The following GPD2 variants were observed in gnomAD, a reference collection of about 807,000 sequenced individuals.
GPD2 encodes the protein glycerol-3-phosphate dehydrogenase, mitochondrial.
In GPD2, 54 loss-of-function variants were observed where a neutral mutation model predicts 82.4. That is an observed-to-expected ratio of 0.66 (90% CI 0.53 to 0.82). The LOEUF is 0.82. GPD2 is among the 40% of genes least tolerant of loss of function. GPD2 has a pLI of 0.00. For missense variants in GPD2, 748 were observed against 896.2 expected (o/e 0.83, Z 2.11); for synonymous variants, 288 against 306.1 (o/e 0.94, Z 0.62).
At position 156,496,029 on chromosome 2, in the gene GPD2, C is replaced by CAGG; in HGVS notation, c.103-15_103-14insAGG. 6.2e-7 allele frequency: 1 copy of CAGG among 1,603,868 alleles called. No individual in the cohort carries two copies. Among genetic ancestry groups the CAGG allele is most frequent in the Non-Finnish European group, 8.5e-7 (1 of 1,171,738 alleles). ...TTCCAAATGGACAACTGAAAGTGAT[C>CAGG]TGCTTTTACATCAGATGAACCTGGC... is the stretch of plus-strand genomic sequence containing the variant. On this transcript the variant is annotated splice_polypyrimidine_tract_variant and intron_variant, in intron 2 of 16. Coordinates refer to ENST00000438166, the MANE Select transcript of GPD2 (RefSeq NM_000408.5).
chr2:156,480,223 G>A (rs1558919286), intron 2 of GPD2, among the ~76,000 whole-genome samples: 1 of 152,124 alleles, frequency 6.6e-6, no homozygotes, highest in Non-Finnish European at 1.5e-5. Context: ...GGGGTCATGG[G>A]ATACTTTTAG....
intron 1 of GPD2, among the ~76,000 whole-genome samples, chr2:156,456,623 TCC>T (rs1159710134): frequency 1.3e-5 from 2 of 151,844 alleles, no homozygotes; most frequent in Non-Finnish European, 2.9e-5. Context: ...GTCTTCTTGA[TCC>T]TACATGAACT....
At chr2:156,460,097 T>C (rs1465603843) in intron 1 of GPD2, among the ~76,000 whole-genome samples, 1 of 152,204 alleles carries the variant, frequency 6.6e-6, no homozygotes, top group Non-Finnish European at 1.5e-5. Context: ...TAAGTTTAAG[T>C]TTTACTTAAT....
chr2:156,567,330 G>C (rs1286669392), intron 9 of GPD2, among the ~76,000 whole-genome samples: 1 of 151,838 alleles, frequency 6.6e-6, no homozygotes, highest in African/African-American at 2.4e-5. Flanking sequence ...TATAGTTTTA[G>C]CTCTTATGTT....
upstream of GPD2, among the ~76,000 whole-genome samples, chr2:156,433,487 G>C (rs528797103): frequency 2.0e-5 from 3 of 152,208 alleles, no homozygotes; most frequent in Admixed American, 2.0e-4. Context: ...TTTCATCCCT[G>C]AGCAATCAGC....
chr2:156,493,498 G>A (rs765631024), intron 2 of GPD2, among the ~76,000 whole-genome samples: 4 of 152,040 alleles, frequency 2.6e-5, no homozygotes, highest in Non-Finnish European at 5.9e-5. Context: ...AAGGGAGGGA[G>A]TGAATATAGG....
rs397789170 is a variant in GPD2 at position 156,444,720 on chromosome 2, T to TACACACACACACAC, written c.-9+8214_-9+8227dup. 1.9e-3 allele frequency among the ~76,000 whole-genome samples: 285 copies of TACACACACACACAC among 150,192 alleles called. 3 individuals carry two copies. In the East Asian group the frequency reaches 0.022, roughly 11 times the overall value. ...GGAACAAGACTGTCTCAAAAACAAATACACACACACACACACACACTAACA... is the reference window on the plus strand; with the variant it reads ...GGAACAAGACTGTCTCAAAAACAAATACACACACACACACACACACACACACACACACACTAACA... On this transcript the variant is annotated intron_variant, in intron 1 of 16. Coordinates refer to ENST00000438166, the MANE Select transcript of GPD2 (RefSeq NM_000408.5).
At chr2:156,439,849 AAAATAAATAAAT>A (rs59142687) in intron 1 of GPD2, among the ~76,000 whole-genome samples, 1 of 147,544 alleles carries the variant, frequency 6.8e-6, no homozygotes, top group South Asian at 2.2e-4. Context: ...TCTGTCTCAA[AAAATAAATAAAT>A]AAATAAATAA....
In GPD2 at chr2:156,568,970, C is replaced by G. The variant is rs1687496407; in HGVS notation, c.1300+11C>G. On this transcript the variant is annotated intron_variant, in intron 10 of 16. Transcript: ENST00000438166. Reference sequence around the variant, plus strand: ...TTATTACTATAGCAGGTATGAGATACTACCTTGTTATTTTCTTTTCTTTTT... The same window carrying G: ...TTATTACTATAGCAGGTATGAGATAGTACCTTGTTATTTTCTTTTCTTTTT... 6.4e-7 allele frequency: 1 copy of G among 1,557,264 alleles called. No individual in the cohort carries two copies.
At chr2:156,437,354 G>A (rs1681976165) in intron 1 of GPD2, among the ~76,000 whole-genome samples, 1 of 152,174 alleles carries the variant, frequency 6.6e-6, no homozygotes, top group Non-Finnish European at 1.5e-5. Context: ...GTTTCTTTTT[G>A]GCGTGTGGAC....
rs531111114 is a variant in GPD2, at chr2:156,511,004, G to A, written c.399+84G>A. ...TAAATCAGGTTTTTTTTTCTTTAAT[G>A]GCTTAAAAGCATTTCTTCCTGTTGG... On this transcript the variant is annotated intron_variant, in intron 4 of 16. Coordinates refer to ENST00000438166, the MANE Select transcript of GPD2 (RefSeq NM_000408.5). 95 of 1,149,780 alleles carry A rather than the reference G, an allele frequency of 8.3e-5. No homozygotes were observed. The South Asian group carries it at 1.2e-3, about 14-fold the overall frequency. 71.2% of individuals were successfully genotyped at this position (1,149,780 alleles called of 1,614,324 possible).
At chr2:156,401,937 A>G in the GPD2 span, among the ~76,000 whole-genome samples, 694 of 152,354 alleles carry the variant, frequency 4.6e-3, 6 homozygotes, top group South Asian at 0.031. Flanking sequence ...GATATAGGCA[A>G]CATTGGCTTT....
At chr2:156,455,073 G>A (rs1447717149) in intron 1 of GPD2, among the ~76,000 whole-genome samples, 1 of 151,994 alleles carries the variant, frequency 6.6e-6, no homozygotes, top group East Asian at 1.9e-4. Context: ...CTGCTCCCAG[G>A]GAGCAGTCAT....
rs1057400771 is a variant in GPD2, at chr2:156,546,234, A to T, written c.662-3374A>T. On this transcript the variant is annotated intron_variant, in intron 6 of 16. Transcript: ENST00000438166. ...AGCTATTCGGTGATTAGTGAAAAAC[A>T]GTATAATGTTGCCTGGCTCTAAGGA... Among the ~76,000 whole-genome samples, 6 of 152,244 alleles carry T rather than the reference A, an allele frequency of 3.9e-5. No homozygotes were observed. The East Asian group carries it at 1.2e-3, about 29-fold the overall frequency.
At chr2:156,448,177 C>T (rs1248281691) in intron 1 of GPD2, among the ~76,000 whole-genome samples, 3 of 150,892 alleles carry the variant, frequency 2.0e-5, no homozygotes, top group Non-Finnish European at 2.9e-5. Flanking sequence ...GGCATGATCT[C>T]GGCTCATTGC....
intron 3 of GPD2, among the ~76,000 whole-genome samples, chr2:156,497,647 TAC>T (rs373024487): frequency 2.9e-4 from 44 of 151,736 alleles, no homozygotes; most frequent in Admixed American, 1.3e-3. Context: ...TAATGAGGTC[TAC>T]ACACACACAC....
intron 9 of GPD2, among the ~76,000 whole-genome samples, chr2:156,558,654 AT>A (rs1412894785): frequency 1.3e-5 from 2 of 151,402 alleles, no homozygotes; most frequent in African/African-American, 4.9e-5. Context: ...CTGGAGTGCA[AT>A]GGTGTGATCT....
chr2:156,440,667 T>C (rs1682137421), intron 1 of GPD2, among the ~76,000 whole-genome samples: 1 of 152,222 alleles, frequency 6.6e-6, no homozygotes, highest in Non-Finnish European at 1.5e-5. Context: ...TTCTGATTTA[T>C]GCAGCAAAAA....
the GPD2 span, among the ~76,000 whole-genome samples, chr2:156,403,518 T>A: frequency 9.9e-4 from 151 of 152,304 alleles, no homozygotes; most frequent in African/African-American, 3.5e-3. Context: ...TGACATTTTT[T>A]ATGCAGACTT....
Sources: allele counts gnomAD v4.1 joint callset (sites outside exome capture counted in the v4.1 genomes callset), GRCh38; gene constraint gnomAD v4.1.1; transcripts MANE v1.5; gene names NCBI Gene and HGNC (gene_info 2026-07-23, HGNC 2026-07-21).